Variants in ESR1 observed in about 807,000 individuals in gnomAD.
ESR1 encodes estrogen receptor.
A neutral mutation model predicts 52.7 loss-of-function variants in ESR1; 12 were observed. The observed-to-expected ratio is 0.23, with a 90% CI of 0.15 to 0.37. The LOEUF is 0.37. Ranked by LOEUF, ESR1 falls within the 10% of genes least tolerant of loss-of-function variation. The probability of loss-of-function intolerance (pLI) is 1.00; values close to 1 mark genes in which losing one functional copy is unlikely to be tolerated. For missense variants in ESR1, 584 were observed against 779.7 expected, an observed-to-expected ratio of 0.75 and a Z score of 2.99; for synonymous variants, 305 against 316.8, an observed-to-expected ratio of 0.96 and a Z score of 0.39.
intron 3 of ESR1, among the ~76,000 whole-genome samples, chr6:151,925,079 A>T (rs1480645894): frequency 6.6e-6 from 1 of 151,746 alleles, no homozygotes; most frequent in African/African-American, 2.4e-5. Flanking sequence ...TCCCACCAGC[A>T]GTGTATAAGT....
chr6:151,819,448 C>T (rs972301619), intron 1 of ESR1, among the ~76,000 whole-genome samples: 11 of 152,268 alleles, frequency 7.2e-5, no homozygotes, highest in Admixed American at 5.2e-4. Context: ...TACAGCTGCT[C>T]CCCATCGCTT....
At chr6:151,916,123 A>T (rs1410388493) in intron 3 of ESR1, among the ~76,000 whole-genome samples, 1 of 152,192 alleles carries the variant, frequency 6.6e-6, no homozygotes, top group Non-Finnish European at 1.5e-5. Context: ...TGTGAGAATG[A>T]ATAATGGAAT....
At chr6:151,963,705 C>G (rs2128607016) in intron 4 of ESR1, among the ~76,000 whole-genome samples, 1 of 152,250 alleles carries the variant, frequency 6.6e-6, no homozygotes, top group African/African-American at 2.4e-5. Context: ...ACTAATTTTG[C>G]TTTTGTTGCC....
chr6:151,672,990 A>G (rs1269190803), intron 1 of ESR1, among the ~76,000 whole-genome samples: 2 of 150,470 alleles, frequency 1.3e-5, no homozygotes, highest in Non-Finnish European at 2.9e-5. Flanking sequence ...CACCACGCCC[A>G]GCTATTTTTT....
At position 151,823,570 on chromosome 6, in the gene ESR1, T is replaced by C. The variant is rs147534755; in HGVS notation, c.452+15206T>C. On this transcript the variant is annotated intron_variant, in intron 1 of 7. Coordinates refer to ENST00000206249, the MANE Select transcript of ESR1 (RefSeq NM_000125.4). ...ATGTGCCATGTTGGTGTGCTGCACC[T>C]ATTAACTCATCCTTTACATTAGGTA... Among the ~76,000 whole-genome samples the C allele has an allele frequency of 2.1e-3, 319 of 152,266 alleles. 6 individuals carry two copies. Among genetic ancestry groups the C allele is most frequent in the East Asian group, 0.011 (57 of 5,182 alleles).
intron 5 of ESR1, among the ~76,000 whole-genome samples, chr6:152,047,956 ATTTTTTTTTTT>A (rs71017517): frequency 1.8e-3 from 124 of 67,774 alleles, no homozygotes; most frequent in Non-Finnish European, 2.8e-3. Flanking sequence ...CTCCTCAAGC[ATTTTTTTTTTT>A]TTTTTTTTTT....
intron 2 of ESR1, among the ~76,000 whole-genome samples, chr6:151,736,767 C>T (rs894667984): frequency 5.9e-5 from 9 of 152,218 alleles, no homozygotes; most frequent in African/African-American, 1.4e-4. Context: ...CCCCACTTTA[C>T]AGATAGGAAA....
At chr6:151,977,955 A>T (rs1562622777) in intron 4 of ESR1, among the ~76,000 whole-genome samples, 1 of 69,160 alleles carries the variant, frequency 1.4e-5, no homozygotes, top group Non-Finnish European at 3.1e-5. Context: ...CAGCAGGAAA[A>T]AAAAAAAGAA....
intron 2 of ESR1, among the ~76,000 whole-genome samples, chr6:151,784,132 C>T (rs1167809977): frequency 6.6e-6 from 1 of 152,192 alleles, no homozygotes; most frequent in East Asian, 1.9e-4. Context: ...TACCCCCTTT[C>T]CACACTGTAC....
chr6:151,874,926 T>C (rs1791559718), intron 2 of ESR1, among the ~76,000 whole-genome samples: 1 of 152,162 alleles, frequency 6.6e-6, no homozygotes, highest in Admixed American at 6.5e-5. Flanking sequence ...TGAAAACAAA[T>C]CATTATTAGT....
chr6:151,852,771 A>G (rs1447024447), intron 2 of ESR1, among the ~76,000 whole-genome samples: 2 of 151,764 alleles, frequency 1.3e-5, no homozygotes, highest in Non-Finnish European at 2.9e-5. Flanking sequence ...TAACATACAT[A>G]CTGTGCAACA....
exon 7 of ESR1, chr6:152,125,408 G>C (rs1195221475): frequency 3.6e-5 from 54 of 1,509,770 alleles, no homozygotes; most frequent in Non-Finnish European, 4.8e-5. Context: ...GTGTGGACGT[G>C]GGGACATTTT....
chr6:151,753,607 C>T (rs1277290204), intron 2 of ESR1, among the ~76,000 whole-genome samples: 3 of 152,142 alleles, frequency 2.0e-5, no homozygotes, highest in African/African-American at 4.8e-5. Flanking sequence ...CATAAGCCAC[C>T]GTGCCCAGCC....
chr6:151,686,085 T>TTTTTTA (rs1318946005), upstream of ESR1, among the ~76,000 whole-genome samples: 33 of 148,870 alleles, frequency 2.2e-4, no homozygotes, highest in African/African-American at 8.0e-4. Context: ...TTTTTTTTTT[T>TTTTTTA]TTTATTTAGA....
At chr6:151,834,629 C>T (rs577178700) in intron 1 of ESR1, among the ~76,000 whole-genome samples, 1 of 152,072 alleles carries the variant, frequency 6.6e-6, no homozygotes, top group East Asian at 1.9e-4. Flanking sequence ...AGCAAACCAC[C>T]ATGGCACGTG....
intron 3 of ESR1, among the ~76,000 whole-genome samples, chr6:151,929,340 T>A (rs560335839): frequency 9.2e-5 from 14 of 152,324 alleles, no homozygotes; most frequent in Non-Finnish European, 1.5e-4. Context: ...TACTTTTCCT[T>A]CTTTGGTAGT....
chr6:151,992,823 A>AT (rs1188296018), intron 4 of ESR1, among the ~76,000 whole-genome samples: 1 of 152,160 alleles, frequency 6.6e-6, no homozygotes, highest in Non-Finnish European at 1.5e-5. Context: ...AGAGAAGCGG[A>AT]TTAAAAAGAG....
intron 2 of ESR1, among the ~76,000 whole-genome samples, chr6:151,862,339 G>A (rs1332309885): frequency 6.6e-6 from 1 of 152,188 alleles, no homozygotes; most frequent in East Asian, 1.9e-4. Flanking sequence ...AGTGTCACCT[G>A]ATAATAGCTG....
At chr6:151,821,181 C>T (rs1189096316) in intron 1 of ESR1, among the ~76,000 whole-genome samples, 1 of 151,860 alleles carries the variant, frequency 6.6e-6, no homozygotes, top group East Asian at 1.9e-4. Flanking sequence ...GGAGGCATGC[C>T]CAGTTCCTGT....
Sources: gnomAD v4.1 joint callset for allele counts (sites outside exome capture counted in the v4.1 genomes callset) on GRCh38, gnomAD v4.1.1 for gene constraint, MANE v1.5 for transcripts, NCBI Gene and HGNC (gene_info 2026-07-23, HGNC 2026-07-21) for gene names.